The following MGAT4A variants were observed in gnomAD, a reference collection of about 807,000 sequenced individuals.
MGAT4A encodes the protein alpha-1,3-mannosyl-glycoprotein 4-beta-N-acetylglucosaminyltransferase A.
Under a neutral mutation model 74.1 loss-of-function variants are expected in MGAT4A, and 33 were observed. The ratio of observed to expected loss-of-function variants is 0.45; its 90% confidence interval spans 0.34 to 0.60. The LOEUF (loss-of-function observed/expected upper bound fraction) is 0.60, where lower values mean the gene tolerates loss of function less well. MGAT4A is among the 20% of genes least tolerant of loss of function. The probability of loss-of-function intolerance (pLI) is 0.02; values close to 1 mark genes in which losing one functional copy is unlikely to be tolerated. For missense variants in MGAT4A, 479 were observed against 628.3 expected, an observed-to-expected ratio of 0.76 and a Z score of 2.54; for synonymous variants, 198 against 210.4, an observed-to-expected ratio of 0.94 and a Z score of 0.51.
At chr2:98,626,109 A>G (rs1701140216) in intron 14 of MGAT4A, among the ~76,000 whole-genome samples, 1 of 152,224 alleles carries the variant, frequency 6.6e-6, no homozygotes, top group Non-Finnish European at 1.5e-5. Context: ...ATTTGTTCTT[A>G]TATCAACCAT....
At chr2:98,675,974 A>G (rs933864768) in intron 3 of MGAT4A, among the ~76,000 whole-genome samples, 10 of 152,188 alleles carry the variant, frequency 6.6e-5, no homozygotes, top group Non-Finnish European at 1.5e-4. Context: ...ACAGATCACA[A>G]CTTTCAAATA....
intron 3 of MGAT4A, among the ~76,000 whole-genome samples, chr2:98,677,801 A>T (rs866770454): frequency 0.019 from 2,348 of 121,978 alleles, 107 homozygotes; most frequent in Middle Eastern, 0.052. Flanking sequence ...CAGGTAATAA[A>T]TTTTTTTTTT....
chr2:98,691,127 G>A (rs556301287), intron 2 of MGAT4A, among the ~76,000 whole-genome samples: 11 of 152,226 alleles, frequency 7.2e-5, no homozygotes, highest in East Asian at 1.9e-4. Flanking sequence ...GAAAAGTACA[G>A]TCCTGCCCCA....
Position 98,621,513 on chromosome 2 carries a change from A to G in MGAT4A, c.*4053T>C. ...GCCCGAGAAAACTCTCTGCTTTTAA[A>G]GGAGTCACAAGATTTGATTAGCCAC... is the stretch of plus-strand genomic sequence containing the variant. On this transcript the variant is annotated 3_prime_UTR_variant, in exon 16 of 16. Transcript: ENST00000393487. 1 of 1,551,650 alleles carries G rather than the reference A, an allele frequency of 6.4e-7. No individual in the cohort carries two copies. Among genetic ancestry groups the G allele is most frequent in the Non-Finnish European group, 8.7e-7 (1 of 1,146,974 alleles).
In MGAT4A at chr2:98,622,722, T is replaced by C. The variant is rs1701079023; in HGVS notation, c.*2844A>G. The stretch of plus-strand genomic sequence containing the variant: ...ACCATAGGAGAGGACAGATGAGCAG[T>C]ATGAGCTGCAGGCTCGCCTCAGGAA... On this transcript the variant is annotated 3_prime_UTR_variant, in exon 16 of 16. Coordinates refer to ENST00000393487, the MANE Select transcript of MGAT4A (RefSeq NM_012214.3). 2 of 985,604 alleles carry C rather than the reference T, an allele frequency of 2.0e-6. No individual in the cohort carries two copies. The highest frequency in any genetic ancestry group is 1.7e-5 in the African/African-American group (1 of 57,230). The allele number at this position is 985,604 out of a possible 1,614,324, so 61.1% of individuals were successfully genotyped here. A position where few individuals can be genotyped will look rare whatever the true frequency, so the allele number is the denominator to read the frequency against.
chr2:98,705,559 A>G (rs1213610115), intron 2 of MGAT4A, among the ~76,000 whole-genome samples: 1 of 152,186 alleles, frequency 6.6e-6, no homozygotes, highest in Non-Finnish European at 1.5e-5. Flanking sequence ...TGATCACCCT[A>G]GCTACAGAGG....
At chr2:98,662,130 A>T (rs892985984) in intron 5 of MGAT4A, among the ~76,000 whole-genome samples, 2 of 152,220 alleles carry the variant, frequency 1.3e-5, no homozygotes, top group Admixed American at 6.5e-5. Context: ...GGAAACTCAA[A>T]TAAAGTCTGT....
At chr2:98,711,374 C>T (rs1022234720) in intron 2 of MGAT4A, among the ~76,000 whole-genome samples, 1 of 151,630 alleles carries the variant, frequency 6.6e-6, no homozygotes, top group Non-Finnish European at 1.5e-5. Flanking sequence ...TAATCCTGAT[C>T]ACATTTGACA....
At chr2:98,681,123 C>G (rs1341699305) in intron 2 of MGAT4A, among the ~76,000 whole-genome samples, 3 of 152,158 alleles carry the variant, frequency 2.0e-5, no homozygotes, top group African/African-American at 4.8e-5. Context: ...GCTGGGACTA[C>G]AGGCGCCCGC....
intron 14 of MGAT4A, among the ~76,000 whole-genome samples, chr2:98,628,892 C>A (rs1473012655): frequency 6.6e-6 from 1 of 152,174 alleles, no homozygotes; most frequent in African/African-American, 2.4e-5. Flanking sequence ...GAGAGCATGA[C>A]CTCGATCTCT....
chr2:98,626,458 G>C (rs908214406), intron 14 of MGAT4A, among the ~76,000 whole-genome samples: 2 of 152,132 alleles, frequency 1.3e-5, no homozygotes, highest in Non-Finnish European at 2.9e-5. Context: ...TTGCTATCAG[G>C]AATAACATCC....
intron 8 of MGAT4A, among the ~76,000 whole-genome samples, chr2:98,654,715 A>G (rs1701634078): frequency 6.6e-6 from 1 of 152,206 alleles, no homozygotes; most frequent in South Asian, 2.1e-4. Context: ...TAAAATGTCC[A>G]CACTACCTAA....
Position 98,622,424 on chromosome 2 carries a change from C to A in MGAT4A, c.*3142G>T, listed in dbSNP as rs918418443. ...TATTTAAACAGCCCCCATGTGTCTA[C>A]TGGCTATATGTGTTTTTAAAACTAG... On this transcript the variant is annotated 3_prime_UTR_variant, in exon 16 of 16. Transcript: ENST00000393487. The A allele has an allele frequency of 6.1e-6, 6 of 985,182 alleles. No individual in the cohort carries two copies. In the African/African-American group the frequency reaches 1.0e-4, roughly 17 times the overall value. 61.0% of individuals were successfully genotyped at this position (985,182 alleles called of 1,614,324 possible).
chr2:98,717,660 G>A (rs565462686), intron 2 of MGAT4A, among the ~76,000 whole-genome samples: 1 of 152,162 alleles, frequency 6.6e-6, no homozygotes, highest in African/African-American at 2.4e-5. Flanking sequence ...TACATTTATT[G>A]TAACTCTAAA....
At position 98,621,612 on chromosome 2, in the gene MGAT4A, T is replaced by C. The variant is rs1559151736; in HGVS notation, c.*3954A>G. The C allele has an allele frequency of 3.3e-6, 5 of 1,508,352 alleles. No individual in the cohort carries two copies. Among genetic ancestry groups the C allele is most frequent in the Non-Finnish European group, 4.4e-6 (5 of 1,125,518 alleles). The allele number at this position is 1,508,352 out of a possible 1,614,324, so 93.4% of individuals were successfully genotyped here. On this transcript the variant is annotated 3_prime_UTR_variant, in exon 16 of 16. Transcript: ENST00000393487. Reference sequence around the variant, plus strand: ...AAACAGGTTCCACCCATGCTCAAAGTGGGAGGATATTATACAAGGTCATTG... The same window carrying C: ...AAACAGGTTCCACCCATGCTCAAAGCGGGAGGATATTATACAAGGTCATTG...
chr2:98,696,286 G>A (rs918453759), intron 2 of MGAT4A, among the ~76,000 whole-genome samples: 33 of 152,224 alleles, frequency 2.2e-4, no homozygotes, highest in African/African-American at 8.0e-4. Context: ...GAACGCAGAA[G>A]TATTAGACTG....
chr2:98,675,232 T>G (rs1701963685), intron 3 of MGAT4A, 57 bp from the exon 4 acceptor site: 1 of 1,301,254 alleles, frequency 7.7e-7, no homozygotes, highest in Non-Finnish European at 1.1e-6. Flanking sequence ...GTTGCTGATT[T>G]TATAAAACCA....
At chr2:98,671,192 C>A (rs1396891183) in intron 4 of MGAT4A, among the ~76,000 whole-genome samples, 3 of 152,180 alleles carry the variant, frequency 2.0e-5, no homozygotes, top group African/African-American at 7.2e-5. Context: ...GGTCCATCTT[C>A]TTCTTCCCAT....
rs1250840734 is a variant in MGAT4A at position 98,625,748 on chromosome 2, G to T, written c.1556C>A (p.Ser519Tyr). The change falls in exon 15 of 16, where the codon TCT (serine) becomes TAT (tyrosine). Residue 519 changes from serine to tyrosine, a missense_variant. By Grantham distance (144) the Ser-to-Tyr change is moderately radical. Coordinates refer to ENST00000393487, the MANE Select transcript of MGAT4A (RefSeq NM_012214.3). ...CTCATTAAGAATGGCCCAAACAGCAGAATTCTGAATAACTGAAAGTCGAAA... is the reference window on the plus strand; with the variant it reads ...CTCATTAAGAATGGCCCAAACAGCATAATTCTGAATAACTGAAAGTCGAAA... ...SAFRLSVIQN[S>Y]AVWAILNEIH... The T allele has an allele frequency of 6.2e-7, 1 of 1,610,958 alleles. No individual in the cohort carries two copies. Among genetic ancestry groups the T allele is most frequent in the African/African-American group, 1.3e-5 (1 of 74,842 alleles).
Sources: allele counts gnomAD v4.1 joint callset (sites outside exome capture counted in the v4.1 genomes callset), GRCh38; gene constraint gnomAD v4.1.1; transcripts MANE v1.5; gene names NCBI Gene and HGNC (gene_info 2026-07-23, HGNC 2026-07-21).